Variants in RSAD2 observed in about 807,000 individuals in gnomAD.
RSAD2 encodes the protein radical S-adenosyl methionine domain containing 2.
A neutral mutation model predicts 37.7 loss-of-function variants in RSAD2; 38 were observed. The observed-to-expected ratio is 1.01, with a 90% confidence interval of 0.78 to 1.32. The LOEUF is 1.32. Among genes scored for constraint, RSAD2 ranks in the 40% most tolerant of loss-of-function variants. The pLI is 0.00. For missense variants in RSAD2, 428 were observed against 437.5 expected, an observed-to-expected ratio of 0.98 and a Z score of 0.19; for synonymous variants, 163 against 157.4, an observed-to-expected ratio of 1.04 and a Z score of -0.27.
At chr2:6,872,867 T>G (rs1225949523), upstream of RSAD2, among the ~76,000 whole-genome samples, 2 of 152,230 alleles carry the variant, frequency 1.3e-5, no homozygotes, top group Non-Finnish European at 2.9e-5. Flanking sequence ...CTTAAAATAC[T>G]GATTTGCTCT....
At chr2:6,866,417 C>G in intron 1 of RSAD2, 1 of 985,292 alleles carries the variant, frequency 1.0e-6, no homozygotes, top group Non-Finnish European at 1.2e-6. Flanking sequence ...CACCTTTGCA[C>G]ACACTCACCT....
chr2:6,876,592 C>T (rs540712828), upstream of RSAD2: 73 of 152,272 alleles, frequency 4.8e-4, no homozygotes, highest in African/African-American at 1.6e-3. Context: ...TTTCAAGGAC[C>T]TGAGACATAT....
In RSAD2 at chr2:6,896,056, T is replaced by A; in HGVS notation, c.*114T>A. The A allele has an allele frequency of 2.0e-6, 2 of 979,680 alleles. No homozygotes were observed. Among genetic ancestry groups the A allele is most frequent in the Non-Finnish European group, 3.0e-6 (2 of 667,864 alleles). The allele number at this position is 979,680 out of a possible 1,614,324, so 60.7% of individuals were successfully genotyped here. On this transcript the variant is annotated 3_prime_UTR_variant, in exon 6 of 6. Transcript: ENST00000382040. ...CCCAGTGGCTGAAAACCTGATTTTC[T>A]GCTGCACGTGGCATCTGATTACCTG...
intron 1 of RSAD2, among the ~76,000 whole-genome samples, chr2:6,880,321 C>T (rs568721261): frequency 2.3e-4 from 35 of 152,242 alleles, no homozygotes; most frequent in African/African-American, 8.4e-4. Flanking sequence ...TAAGTCAGAG[C>T]CCACTCTCTT....
At chr2:6,866,059 C>G (rs944679405) in intron 1 of RSAD2, 3 of 298,136 alleles carry the variant, frequency 1.0e-5, no homozygotes, top group Non-Finnish European at 1.8e-5. Flanking sequence ...GCTCCGTGTG[C>G]GTTCTGCGGG....
intron 3 of RSAD2, among the ~76,000 whole-genome samples, chr2:6,887,880 G>A (rs548721833): frequency 1.3e-5 from 2 of 152,376 alleles, no homozygotes; most frequent in South Asian, 4.1e-4. Flanking sequence ...CAGTCCAGGT[G>A]CAATGAAAGA....
chr2:6,890,067 G>A (rs752324793), intron 3 of RSAD2, 109 bp from the exon 4 acceptor site: 74 of 1,027,174 alleles, frequency 7.2e-5, no homozygotes, highest in South Asian at 4.4e-4. Context: ...TCCTCAGCTC[G>A]TAGAGTCTCT....
At chr2:6,869,498 A>G (rs575371715) in intron 1 of RSAD2, among the ~76,000 whole-genome samples, 5 of 152,330 alleles carry the variant, frequency 3.3e-5, no homozygotes, top group Non-Finnish European at 7.4e-5. Flanking sequence ...TTTTGGGCCC[A>G]TGAAGGAGTG....
At chr2:6,876,459 A>C (rs140163510), upstream of RSAD2, among the ~76,000 whole-genome samples, 9 of 152,338 alleles carry the variant, frequency 5.9e-5, no homozygotes, top group East Asian at 1.7e-3. Context: ...ATTTGATTCA[A>C]ATTTAACAGG....
chr2:6,881,275 A>T (rs914020379), intron 1 of RSAD2, among the ~76,000 whole-genome samples: 7 of 152,206 alleles, frequency 4.6e-5, no homozygotes, highest in African/African-American at 1.7e-4. Flanking sequence ...ATAAATAGGG[A>T]GGTGATATAA....
upstream of RSAD2, among the ~76,000 whole-genome samples, chr2:6,875,552 C>T (rs541401653): frequency 3.3e-5 from 5 of 152,250 alleles, no homozygotes; most frequent in East Asian, 9.7e-4. Context: ...CAACTAGTAC[C>T]CCTCACGGGC....
upstream of RSAD2, among the ~76,000 whole-genome samples, chr2:6,875,968 A>G (rs1265367162): frequency 1.3e-5 from 2 of 152,146 alleles, no homozygotes; most frequent in African/African-American, 4.8e-5. Flanking sequence ...TGCCTGCTCT[A>G]CCACCCAGGC....
chr2:6,883,462 G>T lies in RSAD2; in HGVS notation c.438G>T (p.Glu146Asp). Residue 146 changes from glutamate (E) to aspartate (D), a missense_variant, in exon 2 of 6, where the codon GAG becomes GAT. Coordinates refer to ENST00000382040, the MANE Select transcript of RSAD2 (RefSeq NM_080657.5). ...AGTTGGTGAGGTTCTGCAAAGTAGA[G>T]TTGCGGCTGCCCAGCGTGAGCATCG... ...LGKLVRFCKV[E>D]LRLPSVSIVS... 1.2e-6 allele frequency: 2 copies of T among 1,614,220 alleles called. No homozygotes were observed. Among genetic ancestry groups the T allele is most frequent in the Non-Finnish European group, 1.7e-6 (2 of 1,180,046 alleles).
intron 1 of RSAD2, among the ~76,000 whole-genome samples, chr2:6,879,520 C>T (rs1663358785): frequency 1.3e-5 from 2 of 152,142 alleles, no homozygotes; most frequent in African/African-American, 4.8e-5. Flanking sequence ...CCTAGAATGT[C>T]TGTCCTCAAA....
chr2:6,866,435 A>G (rs1663093097), intron 1 of RSAD2: 1 of 985,456 alleles, frequency 1.0e-6, no homozygotes, highest in Admixed American at 6.1e-5. Context: ...CCTGTGCACA[A>G]GCTTTTCCCT....
exon 1 of RSAD2, chr2:6,865,942 T>G: frequency 7.5e-7 from 1 of 1,327,388 alleles, no homozygotes; most frequent in Non-Finnish European, 9.8e-7. Context: ...GAGCAGACGC[T>G]TGGCCCCGGG....
At chr2:6,888,030 A>G (rs1663557065) in intron 3 of RSAD2, among the ~76,000 whole-genome samples, 1 of 152,252 alleles carries the variant, frequency 6.6e-6, no homozygotes, top group Non-Finnish European at 1.5e-5. Context: ...TATAGGAGGA[A>G]GCATTTGGCT....
intron 2 of RSAD2, among the ~76,000 whole-genome samples, chr2:6,885,942 T>A (rs1261499555): frequency 1.3e-5 from 2 of 152,218 alleles, no homozygotes; most frequent in Non-Finnish European, 2.9e-5. Flanking sequence ...ATGCTAGATA[T>A]TTTGAGGGCG....
intron 1 of RSAD2, among the ~76,000 whole-genome samples, chr2:6,868,449 A>C (rs1663145245): frequency 6.6e-6 from 1 of 152,214 alleles, no homozygotes; most frequent in Non-Finnish European, 1.5e-5. Context: ...ACATTCATAA[A>C]AGTGAATATT....
Sources: gnomAD v4.1 joint callset for allele counts (sites outside exome capture counted in the v4.1 genomes callset) on GRCh38, gnomAD v4.1.1 for gene constraint, MANE v1.5 for transcripts, NCBI Gene and HGNC (gene_info 2026-07-23, HGNC 2026-07-21) for gene names.